Variants in CDH18 observed in about 807,000 individuals in gnomAD.
CDH18 encodes cadherin 18.
In CDH18, 31 loss-of-function variants were observed where a neutral mutation model predicts 67.9. That is an observed-to-expected ratio of 0.46 (90% CI 0.34 to 0.62). The LOEUF is 0.62. Among genes scored for constraint, CDH18 ranks in the 20% least tolerant of loss-of-function variants. CDH18 has a pLI of 0.01. For missense variants in CDH18, 890 were observed against 975.5 expected, an observed-to-expected ratio of 0.91 and a Z score of 1.17; for synonymous variants, 362 against 347.2, an observed-to-expected ratio of 1.04 and a Z score of -0.48.
At chr5:20,265,963 C>T (rs568403504) in intron 1 of CDH18, among the ~76,000 whole-genome samples, 1 of 152,188 alleles carries the variant, frequency 6.6e-6, no homozygotes, top group African/African-American at 2.4e-5. Context: ...CTAAATAAAC[C>T]AAAAAAGGGA....
chr5:19,849,852 G>A (rs1783495301), intron 2 of CDH18, among the ~76,000 whole-genome samples: 1 of 150,326 alleles, frequency 6.7e-6, no homozygotes, highest in African/African-American at 2.4e-5. Context: ...TCCACTAGAT[G>A]CTTAAAACCA....
intron 10 of CDH18, among the ~76,000 whole-genome samples, chr5:19,516,814 T>C (rs749329188): frequency 3.9e-5 from 6 of 152,112 alleles, no homozygotes; most frequent in East Asian, 3.9e-4. Context: ...CCTGGATTCA[T>C]TGATTTTTTG....
chr5:20,029,553 T>C (rs929944906), intron 2 of CDH18, among the ~76,000 whole-genome samples: 1 of 152,222 alleles, frequency 6.6e-6, no homozygotes, highest in Non-Finnish European at 1.5e-5. Flanking sequence ...TCTGCTTTAA[T>C]GCTTACTTAA....
At chr5:19,754,976 G>A (rs926225891) in intron 3 of CDH18, among the ~76,000 whole-genome samples, 3 of 151,940 alleles carry the variant, frequency 2.0e-5, no homozygotes, top group South Asian at 2.1e-4. Context: ...GATAATGACA[G>A]AACCTATCAA....
chr5:19,645,629 T>C (rs754243389), intron 5 of CDH18, among the ~76,000 whole-genome samples: 1 of 152,178 alleles, frequency 6.6e-6, no homozygotes, highest in Non-Finnish European at 1.5e-5. Flanking sequence ...TGAGCTTTGG[T>C]CAGCTGCAAT....
chr5:20,229,525 A>G (rs888158581), intron 2 of CDH18, among the ~76,000 whole-genome samples: 22 of 152,270 alleles, frequency 1.4e-4, no homozygotes, highest in African/African-American at 5.3e-4. Flanking sequence ...CTGATACATT[A>G]TTGTGCAATT....
intron 2 of CDH18, among the ~76,000 whole-genome samples, chr5:19,905,630 TA>T (rs1290790736): frequency 2.0e-5 from 3 of 152,026 alleles, no homozygotes; most frequent in Non-Finnish European, 4.4e-5. Flanking sequence ...ATGATAATAT[TA>T]TTTTTTTACC....
At chr5:19,797,875 A>G (rs565209159) in intron 3 of CDH18, among the ~76,000 whole-genome samples, 63 of 152,046 alleles carry the variant, frequency 4.1e-4, no homozygotes, top group African/African-American at 1.5e-3. Flanking sequence ...TAATTAAAAC[A>G]CTCTTGATGA....
At chr5:20,208,122 T>C (rs1004237962) in intron 2 of CDH18, among the ~76,000 whole-genome samples, 3 of 152,122 alleles carry the variant, frequency 2.0e-5, no homozygotes, top group African/African-American at 7.2e-5. Flanking sequence ...AGAGATTTAA[T>C]TGACTCACAG....
At chr5:19,940,158 T>C (rs988511641) in intron 2 of CDH18, among the ~76,000 whole-genome samples, 8 of 151,758 alleles carry the variant, frequency 5.3e-5, no homozygotes, top group Non-Finnish European at 8.8e-5. Flanking sequence ...AACAGAGGCT[T>C]AGCATATTTA....
At chr5:19,991,665 A>G (rs1451328048), upstream of CDH18, among the ~76,000 whole-genome samples, 1 of 152,120 alleles carries the variant, frequency 6.6e-6, no homozygotes, top group African/African-American at 2.4e-5. Flanking sequence ...AGATGATCTA[A>G]TTTAGTTAAC....
At chr5:20,141,491 C>T (rs1750238686) in intron 2 of CDH18, among the ~76,000 whole-genome samples, 1 of 152,126 alleles carries the variant, frequency 6.6e-6, no homozygotes, top group African/African-American at 2.4e-5. Flanking sequence ...AAAGAATCTG[C>T]ATGACTCTAA....
chr5:19,532,784 T>G (rs1463438771), intron 9 of CDH18, among the ~76,000 whole-genome samples: 1 of 152,160 alleles, frequency 6.6e-6, no homozygotes, highest in Non-Finnish European at 1.5e-5. Context: ...TAAATAGTTT[T>G]TAAAGGTATA....
chr5:19,812,034 C>A (rs1252037635), intron 3 of CDH18, among the ~76,000 whole-genome samples: 1 of 151,964 alleles, frequency 6.6e-6, no homozygotes, highest in Non-Finnish European at 1.5e-5. Context: ...GCAATAAGGA[C>A]CCATCTGGAA....
intron 1 of CDH18, among the ~76,000 whole-genome samples, chr5:20,265,724 G>A (rs927321695): frequency 3.9e-5 from 6 of 152,250 alleles, no homozygotes; most frequent in African/African-American, 1.4e-4. Flanking sequence ...CTAGAGCAAT[G>A]AGCACTCTTT....
At chr5:20,447,714 C>A (rs1218506349) in intron 1 of CDH18, among the ~76,000 whole-genome samples, 3 of 152,082 alleles carry the variant, frequency 2.0e-5, no homozygotes, top group African/African-American at 4.8e-5. Flanking sequence ...CAATTTCTGT[C>A]AACATACATG....
chr5:19,559,166 G>A (rs1216858353), intron 8 of CDH18, among the ~76,000 whole-genome samples: 2 of 151,756 alleles, frequency 1.3e-5, no homozygotes, highest in East Asian at 3.9e-4. Flanking sequence ...TTTATCTATT[G>A]TACTGTGTGT....
chr5:20,202,504 T>G (rs142139980), intron 2 of CDH18, among the ~76,000 whole-genome samples: 1,690 of 152,150 alleles, frequency 0.011, 32 homozygotes, highest in African/African-American at 0.038. Flanking sequence ...AAATCAGTTT[T>G]TTGATATTGT....
chr5:19,804,309 A>T (rs949986224), intron 3 of CDH18, among the ~76,000 whole-genome samples: 17 of 149,962 alleles, frequency 1.1e-4, no homozygotes, highest in East Asian at 3.9e-4. Context: ...CTCAAAAAAA[A>T]AAAAATAAAT....
Sources: allele counts gnomAD v4.1 joint callset (sites outside exome capture counted in the v4.1 genomes callset), GRCh38; gene constraint gnomAD v4.1.1; transcripts MANE v1.5; gene names NCBI Gene and HGNC (gene_info 2026-07-23, HGNC 2026-07-21).